ELP4: variants seen among roughly 807,000 people sequenced by gnomAD.
ELP4 encodes elongator complex protein 4.
In ELP4, 51 loss-of-function variants were observed where a neutral mutation model predicts 48.9. The ratio of observed to expected loss-of-function variants is 1.04; its 90% CI spans 0.83 to 1.32. The LOEUF (loss-of-function observed/expected upper bound fraction) is 1.32, where lower values mean the gene tolerates loss of function less well. ELP4 is among the 40% of genes most tolerant of loss of function. The pLI is 0.00. For synonymous variants in ELP4, 210 were observed against 189.2 expected (o/e 1.11, Z -0.90); for missense variants, 519 against 514.6 (o/e 1.01, Z -0.08).
At chr11:31,728,265 G>A (rs1947116435) in intron 9 of ELP4, among the ~76,000 whole-genome samples, 2 of 151,986 alleles carry the variant, frequency 1.3e-5, no homozygotes, top group African/African-American at 4.8e-5. Context: ...TATACATATA[G>A]TATTTTACAT....
chr11:31,665,853 C>A (rs1239401109), intron 9 of ELP4, among the ~76,000 whole-genome samples: 1 of 151,286 alleles, frequency 6.6e-6, no homozygotes, highest in East Asian at 1.9e-4. Context: ...CAGGGTTTCA[C>A]CATGTTGCCC....
At chr11:31,551,040 C>A (rs772182942) in intron 3 of ELP4, among the ~76,000 whole-genome samples, 33 of 152,132 alleles carry the variant, frequency 2.2e-4, no homozygotes, top group Non-Finnish European at 4.0e-4. Context: ...GGATTATGAT[C>A]GCACTTGTTT....
intron 3 of ELP4, among the ~76,000 whole-genome samples, chr11:31,571,076 G>A (rs935175208): frequency 2.0e-5 from 3 of 152,088 alleles, no homozygotes; most frequent in African/African-American, 4.8e-5. Context: ...GGGATTTCAG[G>A]CGTAAGCCAC....
chr11:31,658,619 A>G (rs985106301), intron 9 of ELP4, among the ~76,000 whole-genome samples: 6 of 151,950 alleles, frequency 3.9e-5, no homozygotes, highest in Admixed American at 2.6e-4. Flanking sequence ...TAATTACAAT[A>G]TATTATGATT....
intron 3 of ELP4, among the ~76,000 whole-genome samples, chr11:31,567,244 T>A (rs900022338): frequency 6.6e-6 from 1 of 152,186 alleles, no homozygotes; most frequent in African/African-American, 2.4e-5. Flanking sequence ...GTAGTACTTC[T>A]TAAAGGTGAT....
intron 1 of ELP4, among the ~76,000 whole-genome samples, chr11:31,516,986 T>G (rs1956124926): frequency 6.6e-6 from 1 of 152,104 alleles, no homozygotes; most frequent in Admixed American, 6.5e-5. Context: ...TATACTAGGT[T>G]TTTTCATTAT....
chr11:31,685,390 GA>G lies in ELP4; in HGVS notation c.1143+35179del, dbSNP rs200744511. On this transcript the variant is annotated intron_variant, in intron 9 of 9. Coordinates refer to ENST00000640961, the MANE Select transcript of ELP4 (RefSeq NM_019040.5). ...ACAAAATAGCAAAGGAAATTTAATT[GA>G]AAAAAAAAATCTAAAGTTACTGAAT... Among the ~76,000 whole-genome samples the G allele has an allele frequency of 7.4e-5, 11 of 148,388 alleles. No individual in the cohort carries two copies. In the South Asian group the frequency reaches 8.5e-4, roughly 11 times the overall value.
intron 9 of ELP4, chr11:31,663,381 A>T (rs1029718933): frequency 6.6e-6 from 1 of 152,052 alleles, no homozygotes; most frequent in Non-Finnish European, 1.5e-5. Flanking sequence ...TACACAGATG[A>T]CTTCAGATTA....
At chr11:31,662,266 C>A (rs1436527137) in intron 9 of ELP4, among the ~76,000 whole-genome samples, 6 of 152,102 alleles carry the variant, frequency 3.9e-5, no homozygotes, top group African/African-American at 1.4e-4. Flanking sequence ...GTACTATAAA[C>A]ATGAGCAATT....
chr11:31,573,447 A>G (rs1313260869), intron 3 of ELP4: 1 of 152,134 alleles, frequency 6.6e-6, no homozygotes, highest in Non-Finnish European at 1.5e-5. Context: ...AACAACAGAA[A>G]TTTACTATCT....
intron 5 of ELP4, among the ~76,000 whole-genome samples, chr11:31,607,239 A>G (rs1220346476): frequency 1.3e-5 from 2 of 152,204 alleles, no homozygotes; most frequent in Non-Finnish European, 2.9e-5. Context: ...AATCTATGGT[A>G]TTTTGTTATG....
Position 31,632,346 on chromosome 11 carries a change from G to A in ELP4, c.868G>A (p.Gly290Ser), listed in dbSNP as rs1224317783. 3.1e-6 allele frequency: 5 copies of A among 1,612,902 alleles called. No individual in the cohort carries two copies. Among genetic ancestry groups the A allele is most frequent in the Non-Finnish European group, 4.2e-6 (5 of 1,179,480 alleles). The change falls in exon 7 of 10, where the codon GGT (glycine) becomes AGT (serine). Residue 290 changes from glycine (G) to serine (S), a missense_variant. Transcript: ENST00000640961. ...SLTKFLYVLR[G>S]LLRTSLSACI... Reference sequence around the variant, plus strand: ...TACCAAGTTCCTCTATGTTCTCCGTGGTCTTCTGAGAACCTCTCTTTCAGC... The same window carrying A: ...TACCAAGTTCCTCTATGTTCTCCGTAGTCTTCTGAGAACCTCTCTTTCAGC...
intron 4 of ELP4, among the ~76,000 whole-genome samples, chr11:31,603,183 G>A (rs996504510): frequency 5.9e-5 from 9 of 151,762 alleles, no homozygotes; most frequent in Non-Finnish European, 1.3e-4. Context: ...ACTTTATCAT[G>A]TGCCTTGTTC....
intron 9 of ELP4, among the ~76,000 whole-genome samples, chr11:31,728,944 GCTTT>G (rs2134197452): frequency 6.6e-6 from 1 of 152,174 alleles, no homozygotes; most frequent in African/African-American, 2.4e-5. Flanking sequence ...GGCATATTGA[GCTTT>G]CTATTTGAAT....
intron 9 of ELP4, among the ~76,000 whole-genome samples, chr11:31,687,144 C>G (rs917826481): frequency 1.3e-5 from 2 of 152,102 alleles, no homozygotes; most frequent in African/African-American, 4.8e-5. Context: ...AAAATAGGGA[C>G]CATAGGAAAA....
Position 31,603,490 on chromosome 11 carries a change from G to GA in ELP4, c.514-270dup, listed in dbSNP as rs543297659. On this transcript the variant is annotated intron_variant, in intron 4 of 9. Transcript: ENST00000640961. ...AACTTAGGAAGGCATACAGTATAAT[G>GA]AAAAAAAACCAAAGAGGTTTGTAAA... Among the ~76,000 whole-genome samples, 34 of 151,126 alleles carry GA rather than the reference G, an allele frequency of 2.2e-4. No individual in the cohort carries two copies. The East Asian group carries it at 5.6e-3, about 25-fold the overall frequency.
At chr11:31,517,262 C>A (rs1956132093) in intron 1 of ELP4, among the ~76,000 whole-genome samples, 1 of 151,906 alleles carries the variant, frequency 6.6e-6, no homozygotes, top group South Asian at 2.1e-4. Flanking sequence ...CAACTCACTG[C>A]AACCTATGAC....
chr11:31,578,326 G>T (rs1957322504), intron 3 of ELP4, among the ~76,000 whole-genome samples: 1 of 152,174 alleles, frequency 6.6e-6, no homozygotes, highest in African/African-American at 2.4e-5. Context: ...CATGCTTATG[G>T]TTAGGAAGAA....
intron 9 of ELP4, among the ~76,000 whole-genome samples, chr11:31,779,326 G>T (rs1541315): frequency 0.7 from 107,178 of 152,058 alleles, 39,052 homozygotes; most frequent in African/African-American, 0.9. Flanking sequence ...AGGTGTAATC[G>T]AGATTCATTA....
Sources: allele counts gnomAD v4.1 joint callset (sites outside exome capture counted in the v4.1 genomes callset), GRCh38; gene constraint gnomAD v4.1.1; transcripts MANE v1.5; gene names NCBI Gene and HGNC (gene_info 2026-07-23, HGNC 2026-07-21).